The following GABRA3 variants were observed in gnomAD, a reference collection of about 807,000 sequenced individuals.
The protein encoded by GABRA3 is gamma-aminobutyric acid type A receptor subunit alpha3.
In GABRA3, 10 loss-of-function variants were observed where a neutral mutation model predicts 30.1. That is an observed-to-expected ratio of 0.33 (90% confidence interval 0.20 to 0.56). GABRA3 has a LOEUF of 0.56. Among genes scored for constraint, GABRA3 ranks in the 20% least tolerant of loss-of-function variants. GABRA3 has a pLI of 0.89. For synonymous variants in GABRA3, 151 were observed against 146.8 expected, an observed-to-expected ratio of 1.03 and a Z score of -0.21; for missense variants, 233 against 392.0, an observed-to-expected ratio of 0.59 and a Z score of 3.42.
intron 9 of GABRA3, among the ~76,000 whole-genome samples, chrX:152,182,769 GTA>G (rs1205977518): frequency 2.0e-3 from 14 of 7,050 alleles, no homozygotes; most frequent in African/African-American, 5.8e-3. Context: ...TGTATATATA[GTA>G]TATATATACA....
At chrX:152,242,496 A>G (rs1294546113) in intron 5 of GABRA3, among the ~76,000 whole-genome samples, 1 of 112,187 alleles carries the variant, frequency 8.9e-6, no homozygotes, top group African/African-American at 3.2e-5. Flanking sequence ...AACGGGAGAA[A>G]ATATTGCATA....
chrX:152,435,010 C>A (rs1182924052), intron 1 of GABRA3, among the ~76,000 whole-genome samples: 3 of 111,402 alleles, frequency 2.7e-5, no homozygotes, highest in African/African-American at 9.8e-5. Flanking sequence ...CACTTCCATT[C>A]AACATTCTAC....
chrX:152,372,543 A>G (rs1265716515), intron 1 of GABRA3, among the ~76,000 whole-genome samples: 13 of 112,005 alleles, frequency 1.2e-4, no homozygotes. Flanking sequence ...TCATTAGTGC[A>G]GGAACTTAAC....
At chrX:152,278,860 C>G (rs1425834779) in intron 4 of GABRA3, among the ~76,000 whole-genome samples, 1 of 112,195 alleles carries the variant, frequency 8.9e-6, no homozygotes, top group African/African-American at 3.2e-5. Flanking sequence ...CTGATTGCCA[C>G]TGATGATGAG....
chrX:152,229,339 C>T (rs1938023343), intron 5 of GABRA3, among the ~76,000 whole-genome samples: 1 of 111,120 alleles, frequency 9.0e-6, no homozygotes, highest in Non-Finnish European at 1.9e-5. Context: ...CTTTGGGAGA[C>T]GAGGATACAA....
At chrX:152,256,837 T>C (rs964751587) in intron 4 of GABRA3, among the ~76,000 whole-genome samples, 1 of 111,565 alleles carries the variant, frequency 9.0e-6, no homozygotes, top group Non-Finnish European at 1.9e-5. Flanking sequence ...GCAGCAGCAA[T>C]AGATTAGAAT....
intron 3 of GABRA3, among the ~76,000 whole-genome samples, chrX:152,309,737 C>A (rs1006617610): frequency 9.0e-5 from 10 of 111,559 alleles, no homozygotes; most frequent in African/African-American, 3.3e-4. Flanking sequence ...GTCTACATAA[C>A]AACCAGTTAA....
chrX:152,231,298 T>C (rs1014294910), intron 5 of GABRA3, among the ~76,000 whole-genome samples: 5 of 109,199 alleles, frequency 4.6e-5, no homozygotes, highest in Non-Finnish European at 9.6e-5. Flanking sequence ...TACGTGTATA[T>C]ATACGTGTGT....
chrX:152,444,443 T>C lies in GABRA3; in HGVS notation c.-27+6703A>G, dbSNP rs779489208. On this transcript the variant is annotated intron_variant, in intron 1 of 9. Coordinates refer to ENST00000370314, the MANE Select transcript of GABRA3 (RefSeq NM_000808.4). ...CTATTGCTCCAAGGTGCAAGATCAATAGGTTGAATTCAGAAGACAGATTGC... is the reference window on the plus strand; with the variant it reads ...CTATTGCTCCAAGGTGCAAGATCAACAGGTTGAATTCAGAAGACAGATTGC... 2.7e-5 allele frequency among the ~76,000 whole-genome samples: 3 copies of C among 111,763 alleles called. No individual in the cohort carries two copies. In the South Asian group the frequency reaches 1.1e-3, roughly 42 times the overall value.
intron 9 of GABRA3, among the ~76,000 whole-genome samples, chrX:152,175,650 A>T (rs1937064100): frequency 8.9e-6 from 1 of 112,223 alleles, no homozygotes; most frequent in Non-Finnish European, 1.9e-5. Context: ...CTGAGAAGGT[A>T]AGTAGAGACC....
At chrX:152,352,993 T>C (rs1218778128) in intron 2 of GABRA3, among the ~76,000 whole-genome samples, 1 of 111,059 alleles carries the variant, frequency 9.0e-6, no homozygotes, top group Non-Finnish European at 1.9e-5. Flanking sequence ...AGGATGCCAG[T>C]TATATACTAG....
intron 3 of GABRA3, among the ~76,000 whole-genome samples, chrX:152,291,849 C>T (rs1461498970): frequency 8.9e-6 from 1 of 111,783 alleles, no homozygotes; most frequent in Non-Finnish European, 1.9e-5. Context: ...GCCTTGCATC[C>T]CAGGGATGAA....
chrX:152,370,065 C>T (rs191007117), intron 1 of GABRA3, among the ~76,000 whole-genome samples: 281 of 111,438 alleles, frequency 2.5e-3, no homozygotes, highest in African/African-American at 9.0e-3. Context: ...CTTGTAAAGG[C>T]TGTCAATATT....
chrX:152,342,104 C>T (rs770869110), intron 3 of GABRA3, among the ~76,000 whole-genome samples: 7 of 111,962 alleles, frequency 6.3e-5, no homozygotes, highest in Non-Finnish European at 1.3e-4. Context: ...AACTCCTGAC[C>T]TCGTGATCCG....
At chrX:152,376,742 T>C (rs1225220204) in intron 1 of GABRA3, among the ~76,000 whole-genome samples, 1 of 112,181 alleles carries the variant, frequency 8.9e-6, no homozygotes, top group Non-Finnish European at 1.9e-5. Context: ...TTTAATCATC[T>C]ACATTCTGCC....
Position 152,408,541 on chromosome X carries a change from G to A in GABRA3, c.-27+42605C>T, listed in dbSNP as rs143804429. Among the ~76,000 whole-genome samples, 468 of 111,215 alleles carry A rather than the reference G, an allele frequency of 4.2e-3. 3 individuals are homozygous for A. The highest frequency in any genetic ancestry group is 0.015 in the African/African-American group (451 of 30,649). ...ATGAAAGATATCTACAATGAAAACT[G>A]CAAAATGTTGATGTAAGAAATTGTC... On this transcript the variant is annotated intron_variant, in intron 1 of 9. Transcript: ENST00000370314.
intron 4 of GABRA3, among the ~76,000 whole-genome samples, chrX:152,264,143 C>T (rs190346455): frequency 9.0e-6 from 1 of 111,181 alleles, no homozygotes; most frequent in Non-Finnish European, 1.9e-5. Flanking sequence ...TCTGAAGGTA[C>T]AAAACTCCCT....
chrX:152,254,504 T>C (rs1437974777), intron 5 of GABRA3, among the ~76,000 whole-genome samples: 12 of 110,325 alleles, frequency 1.1e-4, no homozygotes, highest in South Asian at 3.9e-4. Flanking sequence ...TTGACCCTCA[T>C]CTTCCCACTT....
intron 5 of GABRA3, among the ~76,000 whole-genome samples, chrX:152,239,756 C>T (rs1938316651): frequency 9.7e-6 from 1 of 103,391 alleles, no homozygotes; most frequent in Non-Finnish European, 1.9e-5. Context: ...TAATGGCCTT[C>T]TTTGTCTCTT....
Sources: allele counts gnomAD v4.1 joint callset (sites outside exome capture counted in the v4.1 genomes callset), GRCh38; gene constraint gnomAD v4.1.1; transcripts MANE v1.5; gene names NCBI Gene and HGNC (gene_info 2026-07-23, HGNC 2026-07-21).